ABCG4: variants seen among roughly 807,000 people sequenced by gnomAD.
ABCG4 encodes the protein ATP binding cassette subfamily G member 4, also known as ATP-binding cassette sub-family G member 4.
Under a neutral mutation model 64.6 loss-of-function variants are expected in ABCG4, and 35 were observed. The observed-to-expected ratio is 0.54, with a 90% confidence interval of 0.41 to 0.72. ABCG4 has a LOEUF of 0.72. Among genes scored for constraint, ABCG4 ranks in the 30% least tolerant of loss-of-function variants. The pLI is 0.00. For synonymous variants in ABCG4, 326 were observed against 348.2 expected, an observed-to-expected ratio of 0.94 and a Z score of 0.71; for missense variants, 610 against 846.3, an observed-to-expected ratio of 0.72 and a Z score of 3.46.
rs534833185 is a variant in ABCG4, at chr11:119,152,510, C to A, written c.239-1516C>A. On this transcript the variant is annotated intron_variant, in intron 2 of 14. Transcript: ENST00000619701. ...GGTGGAGTGGGGAGGGACTTGGGCT[C>A]TGTGGGGGTTAGAGGGGGCAGCAAT... Among the ~76,000 whole-genome samples the A allele has an allele frequency of 3.9e-5, 6 of 152,226 alleles. No homozygotes were observed. In the East Asian group the frequency reaches 1.2e-3, roughly 29 times the overall value.
At position 119,160,587 on chromosome 11, in the gene ABCG4, C is replaced by G; in HGVS notation, c.1646C>G (p.Ser549Cys). Residue 549 changes from serine to cysteine, a missense_variant, in exon 14 of 15, where the codon TCC (serine) becomes TGC (cysteine). By Grantham distance (112) the Ser-to-Cys change is moderately radical. Coordinates refer to ENST00000619701, the MANE Select transcript of ABCG4 (RefSeq NM_022169.5). This position sits in a 1 kb window ranked among gnomAD's most constrained non-coding sequence, Gnocchi z 4.6. ...ACCGCCATCCCTGTCCTCTTGTTCT[C>G]CGGCTTCTTTGTCAGCTTCAAGACC... ...PVTAIPVLLF[S>C]GFFVSFKTIP... 6.2e-7 allele frequency: 1 copy of G among 1,613,082 alleles called. No individual in the cohort carries two copies. Among genetic ancestry groups the G allele is most frequent in the South Asian group, 1.1e-5 (1 of 91,086 alleles).
chr11:119,154,224 G>A lies in ABCG4; in HGVS notation c.357-36G>A. On this transcript the variant is annotated intron_variant, in intron 3 of 14. Transcript: ENST00000619701. The surrounding 1 kb of genome is among the most constrained non-coding windows in gnomAD (Gnocchi z 7.0). The stretch of plus-strand genomic sequence containing the variant: ...GGGAACACAGAAGGTATTCTGAAAG[G>A]GCATTGACCCCCATCCTCAACCCAC... The A allele has an allele frequency of 1.2e-6, 2 of 1,613,240 alleles. No homozygotes were observed. The highest frequency in any genetic ancestry group is 1.7e-6 in the Non-Finnish European group (2 of 1,179,254).
chr11:119,159,039 T>C (rs1236026200), intron 12 of ABCG4, 110 bp downstream of exon 12: 10 of 1,069,514 alleles, frequency 9.4e-6, no homozygotes, highest in African/African-American at 3.1e-5. Context: ...GCTGTCCTTC[T>C]ACTCACTTAG....
chr11:119,158,613 C>A lies in ABCG4; in HGVS notation c.1224C>A (p.Leu408=). The part of the protein sequence containing the change: ...SHVVIGVLIG[L]LYLHIGDDAS... ...TGGTTATTGGCGTGCTCATCGGCCT[C>A]CTCTACCTGCATATTGGCGACGATG... Residue 408 remains leucine (L), a synonymous_variant, in exon 11 of 15, where the codon CTC becomes CTA. Transcript: ENST00000619701. The surrounding 1 kb of genome is among the most constrained non-coding windows in gnomAD (Gnocchi z 4.5). 6.2e-7 allele frequency: 1 copy of A among 1,614,220 alleles called. No individual in the cohort carries two copies.
Position 119,161,723 on chromosome 11 carries a change from A to G in ABCG4, c.*617A>G, listed in dbSNP as rs1326185698. ...TTTTCTGTCTAGGTCACCACTCCCAATCCTGGGGATTGGAGAGGCCTGGGG... is the reference window on the plus strand; with the variant it reads ...TTTTCTGTCTAGGTCACCACTCCCAGTCCTGGGGATTGGAGAGGCCTGGGG... On this transcript the variant is annotated 3_prime_UTR_variant, in exon 15 of 15. Transcript: ENST00000619701. 1 of 152,972 alleles carries G rather than the reference A, an allele frequency of 6.5e-6. No homozygotes were observed. The highest frequency in any genetic ancestry group is 2.4e-5 in the African/African-American group (1 of 41,390). The allele number at this position is 152,972 out of a possible 1,614,324, so 9.5% of individuals were successfully genotyped here. A position where few individuals can be genotyped will look rare whatever the true frequency, so the allele number is the denominator to read the frequency against.
At chr11:119,157,075 C>G in intron 9 of ABCG4, 61 bp downstream of exon 9, 1 of 1,527,710 alleles carries the variant, frequency 6.5e-7, no homozygotes, top group Non-Finnish European at 8.8e-7. Context: ...GGACCATGGA[C>G]AGTGGCCCTG....
At position 119,156,778 on chromosome 11, in the gene ABCG4, G is replaced by A. The variant is rs986929808; in HGVS notation, c.926-94G>A. On this transcript the variant is annotated intron_variant, in intron 8 of 14. Coordinates refer to ENST00000619701, the MANE Select transcript of ABCG4 (RefSeq NM_022169.5). The surrounding 1 kb of genome is among the most constrained non-coding windows in gnomAD (Gnocchi z 5.5). The stretch of plus-strand genomic sequence containing the variant: ...GCCTCCTAGGGGTAGAGATCTCACC[G>A]TCGCCTGCCTTCCCCACACACCCAA... The A allele has an allele frequency of 2.3e-5, 36 of 1,586,768 alleles. No individual in the cohort carries two copies. Among genetic ancestry groups the A allele is most frequent in the Admixed American group, 8.5e-5 (5 of 59,146 alleles).
At position 119,154,035 on chromosome 11, in the gene ABCG4, C is replaced by T. The variant is rs757667984; in HGVS notation, c.248C>T (p.Thr83Ile). ...GPCWRKRGYK[T>I]LLKCLSGKFC... ...CCCCACCTCACTGCAGGTTATAAGA[C>T]CCTTCTCAAGTGCCTCTCAGGTAAA... The change falls in exon 3 of 15, where the codon ACC becomes ATC. Residue 83 changes from threonine to isoleucine, a missense_variant. Physicochemically the swap from Thr to Ile is moderately conservative, Grantham distance 89 (BLOSUM62 -1). Coordinates refer to ENST00000619701, the MANE Select transcript of ABCG4 (RefSeq NM_022169.5). This position sits in a 1 kb window ranked among gnomAD's most constrained non-coding sequence, Gnocchi z 7.0. The T allele has an allele frequency of 6.2e-7, 1 of 1,614,102 alleles. No homozygotes were observed. The highest frequency in any genetic ancestry group is 8.5e-7 in the Non-Finnish European group (1 of 1,179,970).
At position 119,160,545 on chromosome 11, in the gene ABCG4, C is replaced by G. The variant is rs1305022188; in HGVS notation, c.1604C>G (p.Thr535Ser). The G allele has an allele frequency of 6.2e-7, 1 of 1,610,818 alleles. No homozygotes were observed. Reference protein sequence around the residue: ...GAASNSLQVATFVGPVTAIPV... With the variant: ...GAASNSLQVASFVGPVTAIPV... ...CCCTCCCTTCCCCTCTAGGTGGCCACTTTTGTGGGCCCAGTTACCGCCATC... is the reference window on the plus strand; with the variant it reads ...CCCTCCCTTCCCCTCTAGGTGGCCAGTTTTGTGGGCCCAGTTACCGCCATC... Residue 535 changes from threonine (T) to serine (S), a missense_variant, in exon 14 of 15, where the codon ACT becomes AGT. By Grantham distance (58) the Thr-to-Ser change is moderately conservative. Transcript: ENST00000619701. The surrounding 1 kb of genome is among the most constrained non-coding windows in gnomAD (Gnocchi z 4.6).
chr11:119,150,186 C>T lies in ABCG4; in HGVS notation c.221C>T (p.Pro74Leu), dbSNP rs1489525923. The T allele has an allele frequency of 1.2e-6, 2 of 1,613,662 alleles. No individual in the cohort carries two copies. The highest frequency in any genetic ancestry group is 1.7e-6 in the Non-Finnish European group (2 of 1,179,778). The change falls in exon 2 of 15, where the codon CCC becomes CTC. Residue 74 changes from proline (P) to leucine (L), a missense_variant. By Grantham distance (98) the Pro-to-Leu change is moderately conservative. Coordinates refer to ENST00000619701, the MANE Select transcript of ABCG4 (RefSeq NM_022169.5). This position sits in a 1 kb window ranked among gnomAD's most constrained non-coding sequence, Gnocchi z 4.3. The stretch of plus-strand genomic sequence containing the variant: ...CTGTCCTATTCCGTGCGGGAGGGGC[C>T]CTGCTGGCGCAAAAGGGGTAGGGAA... ...VELSYSVREG[P>L]CWRKRGYKTL...
At chr11:119,157,728 T>C (rs996472391) in intron 9 of ABCG4, among the ~76,000 whole-genome samples, 1 of 151,968 alleles carries the variant, frequency 6.6e-6, no homozygotes, top group African/African-American at 2.4e-5. Context: ...TAGCCGGGCG[T>C]GGTGGCGGGC....
In ABCG4 at chr11:119,156,346, CTT is replaced by C. The variant is rs1565814892; in HGVS notation, c.705_706del (p.Cys236PhefsTer30). ...CTGGACAGTGGTCTGGATAGCGCCT[CTT>C]GTTTCCAAGTGGTGTCCCTCATGAA... On this transcript the variant is annotated frameshift_variant, in exon 7 of 15. Transcript: ENST00000619701. LOFTEE classifies it high-confidence loss of function. The surrounding 1 kb of genome is among the most constrained non-coding windows in gnomAD (Gnocchi z 5.5). The C allele has an allele frequency of 1.2e-6, 2 of 1,614,218 alleles. No individual in the cohort carries two copies. Among genetic ancestry groups the C allele is most frequent in the South Asian group, 1.1e-5 (1 of 91,086 alleles).
chr11:119,151,934 G>C (rs1948197284), intron 2 of ABCG4, among the ~76,000 whole-genome samples: 1 of 152,170 alleles, frequency 6.6e-6, no homozygotes, highest in South Asian at 2.1e-4. Flanking sequence ...CTGTAAACAG[G>C]GATGATAAGA....
Position 119,156,116 on chromosome 11 carries a change from A to G in ABCG4, c.687-213A>G. The G allele has an allele frequency of 1.7e-6, 1 of 592,942 alleles. No individual in the cohort carries two copies. The highest frequency in any genetic ancestry group is 3.0e-6 in the Non-Finnish European group (1 of 334,710). The allele number at this position is 592,942 out of a possible 1,614,324, so 36.7% of individuals were successfully genotyped here. A position where few individuals can be genotyped will look rare whatever the true frequency, so the allele number is the denominator to read the frequency against. ...ATTGTAATCCCAGTGCCTGGCATAC[A>G]ACAGGTCCTCAATATATGCTTATGA... On this transcript the variant is annotated intron_variant, in intron 6 of 14. Coordinates refer to ENST00000619701, the MANE Select transcript of ABCG4 (RefSeq NM_022169.5). This position sits in a 1 kb window ranked among gnomAD's most constrained non-coding sequence, Gnocchi z 5.5.
chr11:119,153,990 C>A, intron 2 of ABCG4, 36 bp from the exon 3 acceptor site: 1 of 1,587,306 alleles, frequency 6.3e-7, no homozygotes, highest in Non-Finnish European at 8.7e-7. Flanking sequence ...CTGTTCACTG[C>A]AGCCTGACTA....
chr11:119,154,023 C>T lies in ABCG4; in HGVS notation c.239-3C>T. ...CTAAAAATTCCTCCCCACCTCACTG[C>T]AGGTTATAAGACCCTTCTCAAGTGC... On this transcript the variant is annotated splice_polypyrimidine_tract_variant and splice_region_variant and intron_variant, in intron 2 of 14. Transcript: ENST00000619701. This position sits in a 1 kb window ranked among gnomAD's most constrained non-coding sequence, Gnocchi z 7.0. 2 of 1,613,716 alleles carry T rather than the reference C, an allele frequency of 1.2e-6. No individual in the cohort carries two copies. The highest frequency in any genetic ancestry group is 1.7e-6 in the Non-Finnish European group (2 of 1,179,642).
At position 119,150,376 on chromosome 11, in the gene ABCG4, C is replaced by T. The variant is rs1948179675; in HGVS notation, c.238+173C>T. Among the ~76,000 whole-genome samples, 2 of 152,306 alleles carry T rather than the reference C, an allele frequency of 1.3e-5. No homozygotes were observed. The highest frequency in any genetic ancestry group is 2.1e-4 in the South Asian group (1 of 4,828). On this transcript the variant is annotated intron_variant, in intron 2 of 14. Coordinates refer to ENST00000619701, the MANE Select transcript of ABCG4 (RefSeq NM_022169.5). This position sits in a 1 kb window ranked among gnomAD's most constrained non-coding sequence, Gnocchi z 4.3. The stretch of plus-strand genomic sequence containing the variant: ...CTGTGCACTCTTGGGGTGTCAGGAT[C>T]TACGCTCCCCCACACCTGTGAGCAC...
Position 119,160,189 on chromosome 11 carries a change from GC to G in ABCG4, c.1438-37del, listed in dbSNP as rs1948326878. On this transcript the variant is annotated intron_variant, in intron 12 of 14. Transcript: ENST00000619701. This position sits in a 1 kb window ranked among gnomAD's most constrained non-coding sequence, Gnocchi z 4.6. ...GGAGGTCTTGGCTGCTGTGCCCCTGGCTTGAAGTCCACTGTCCAGCCCGTGC... is the reference window on the plus strand; with the variant it reads ...GGAGGTCTTGGCTGCTGTGCCCCTGGTTGAAGTCCACTGTCCAGCCCGTGC... 1 of 1,581,024 alleles carries G rather than the reference GC, an allele frequency of 6.3e-7. No homozygotes were observed. Among genetic ancestry groups the G allele is most frequent in the Non-Finnish European group, 8.6e-7 (1 of 1,156,114 alleles).
At chr11:119,151,529 G>A (rs1948193384) in intron 2 of ABCG4, among the ~76,000 whole-genome samples, 1 of 152,196 alleles carries the variant, frequency 6.6e-6, no homozygotes, top group Non-Finnish European at 1.5e-5. Context: ...CAAGGAGGAT[G>A]GAGAGAGGGA....
Sources: allele counts gnomAD v4.1 joint callset (sites outside exome capture counted in the v4.1 genomes callset), GRCh38; gene constraint gnomAD v4.1.1; non-coding constraint Gnocchi (gnomAD v3.1); transcripts MANE v1.5; gene names NCBI Gene and HGNC (gene_info 2026-07-23, HGNC 2026-07-21).